The following MECOM variants were observed in gnomAD, a reference collection of about 807,000 sequenced individuals.
MECOM encodes histone-lysine N-methyltransferase MECOM.
A neutral mutation model predicts 116.3 loss-of-function variants in MECOM; 13 were observed. The ratio of observed to expected loss-of-function variants is 0.11; its 90% CI spans 0.07 to 0.18. The LOEUF (loss-of-function observed/expected upper bound fraction) is 0.18. Ranked by LOEUF, MECOM falls within the 10% of genes least tolerant of loss-of-function variation. The probability of loss-of-function intolerance (pLI) is 1.00; values close to 1 mark genes in which losing one functional copy is unlikely to be tolerated. For missense variants in MECOM, 1,299 were observed against 1,509.0 expected (o/e 0.86, Z 2.31); for synonymous variants, 528 against 535.2 (o/e 0.99, Z 0.19).
intron 1 of MECOM, among the ~76,000 whole-genome samples, chr3:169,562,373 C>G (rs1030272552): frequency 1.3e-5 from 2 of 151,988 alleles, no homozygotes; most frequent in Non-Finnish European, 2.9e-5. Context: ...TGCAGTCTCT[C>G]CGGTCCTGCT....
At chr3:169,372,262 G>T (rs1024415180) in intron 2 of MECOM, among the ~76,000 whole-genome samples, 1 of 152,058 alleles carries the variant, frequency 6.6e-6, no homozygotes. Flanking sequence ...ACAAAGCCGG[G>T]TCTGGCACAT....
chr3:169,087,712 T>C (rs1718300152), intron 16 of MECOM, among the ~76,000 whole-genome samples: 2 of 152,160 alleles, frequency 1.3e-5, no homozygotes, highest in African/African-American at 2.4e-5. Context: ...AGCCACCCCT[T>C]ATGGATGTCT....
At chr3:169,547,534 C>T (rs1760876942) in intron 1 of MECOM, among the ~76,000 whole-genome samples, 1 of 152,140 alleles carries the variant, frequency 6.6e-6, no homozygotes, top group African/African-American at 2.4e-5. Context: ...CCACCTCTGC[C>T]ACTCTCTGAC....
chr3:169,435,700 T>C (rs1334796702), intron 1 of MECOM, among the ~76,000 whole-genome samples: 1 of 152,218 alleles, frequency 6.6e-6, no homozygotes, highest in Non-Finnish European at 1.5e-5. Context: ...CCAAAACTAG[T>C]GTCTTCTGTA....
intron 1 of MECOM, among the ~76,000 whole-genome samples, chr3:169,462,028 GTATTTCCAAA>G (rs1747537063): frequency 6.6e-6 from 1 of 152,070 alleles, no homozygotes. Context: ...ATTCGCTAGT[GTATTTCCAAA>G]TACACTAGCG....
At chr3:169,179,903 C>A (rs1252280623) in intron 2 of MECOM, among the ~76,000 whole-genome samples, 11 of 152,130 alleles carry the variant, frequency 7.2e-5, no homozygotes, top group Non-Finnish European at 1.5e-5. Flanking sequence ...TCCCCTCCCC[C>A]AGGACTCCCC....
chr3:169,474,634 G>T (rs1405842501), intron 1 of MECOM, among the ~76,000 whole-genome samples: 1 of 152,084 alleles, frequency 6.6e-6, no homozygotes, highest in Non-Finnish European at 1.5e-5. Flanking sequence ...AGGGTTTGAG[G>T]TTGGCAGCCC....
intron 1 of MECOM, among the ~76,000 whole-genome samples, chr3:169,541,491 C>T (rs529215698): frequency 3.3e-4 from 51 of 152,360 alleles, no homozygotes; most frequent in Admixed American, 7.2e-4. Flanking sequence ...ACTAGCCTTG[C>T]TTGTTGCAGA....
chr3:169,172,408 TG>T (rs2149374747), intron 2 of MECOM, among the ~76,000 whole-genome samples: 1 of 2,086 alleles, frequency 4.8e-4, no homozygotes, highest in East Asian at 0.01. Flanking sequence ...TACCCTTGTA[TG>T]TGTGTGTGTG....
intron 1 of MECOM, among the ~76,000 whole-genome samples, chr3:169,597,049 A>G (rs916892391): frequency 2.6e-5 from 4 of 152,314 alleles, no homozygotes; most frequent in African/African-American, 9.6e-5. Flanking sequence ...GGTATAGGAA[A>G]GATTAAATAT....
rs1396731754 is a variant in MECOM, at chr3:169,483,190, A to AT, written c.38-101667dup. ...ACATGGAGTGAAAAACCATTGTTTT[A>AT]TTTTTATTTTTATTTTTTTTTTTTT... On this transcript the variant is annotated intron_variant, in intron 1 of 16. Coordinates refer to ENST00000651503, the MANE Select transcript of MECOM (RefSeq NM_004991.4). 2.2e-5 allele frequency among the ~76,000 whole-genome samples: 3 copies of AT among 135,658 alleles called. No individual in the cohort carries two copies. The East Asian group carries it at 6.6e-4, about 30-fold the overall frequency. 89.0% of individuals were successfully genotyped at this position (135,658 alleles called of 152,430 possible). A position where few individuals can be genotyped will look rare whatever the true frequency, so the allele number is the denominator to read the frequency against.
chr3:169,246,638 C>T (rs1320915982), intron 2 of MECOM, among the ~76,000 whole-genome samples: 4 of 150,968 alleles, frequency 2.6e-5, no homozygotes, highest in Admixed American at 6.6e-5. Context: ...AAGCTATTCT[C>T]CTGCCTCCGA....
intron 2 of MECOM, among the ~76,000 whole-genome samples, chr3:169,180,793 TG>T (rs1745851398): frequency 4.2e-5 from 3 of 71,176 alleles, no homozygotes; most frequent in Non-Finnish European, 5.4e-5. Flanking sequence ...TGTGTGGAGA[TG>T]ATATATATAT....
intron 2 of MECOM, chr3:169,146,321 A>G (rs1463268767): frequency 1.4e-5 from 18 of 1,284,974 alleles, no homozygotes; most frequent in Non-Finnish European, 1.6e-5. Context: ...CTCGGCCGAG[A>G]GCGGCTCCAA....
intron 1 of MECOM, among the ~76,000 whole-genome samples, chr3:169,661,688 G>A: frequency 6.6e-6 from 1 of 152,302 alleles, no homozygotes; most frequent in Admixed American, 6.5e-5. Flanking sequence ...CCGCGAAGCC[G>A]AGCCTGCTGA....
intron 1 of MECOM, among the ~76,000 whole-genome samples, chr3:169,485,911 G>GTATATATAGTATA (rs1162357800): frequency 9.3e-6 from 1 of 106,960 alleles, no homozygotes; most frequent in Non-Finnish European, 1.8e-5. Context: ...TAGTATATAT[G>GTATATATAGTATA]TATGTATATA....
intron 2 of MECOM, chr3:169,147,730 G>GTT: frequency 1.0e-6 from 1 of 980,890 alleles, no homozygotes; most frequent in Non-Finnish European, 1.2e-6. Flanking sequence ...GTGTGTGTGT[G>GTT]TGTGCGCGCG....
At chr3:169,229,735 C>T (rs1753153068) in intron 2 of MECOM, among the ~76,000 whole-genome samples, 1 of 152,130 alleles carries the variant, frequency 6.6e-6, no homozygotes, top group Non-Finnish European at 1.5e-5. Context: ...GTGTGAGATT[C>T]TCTGCACTTC....
intron 1 of MECOM, among the ~76,000 whole-genome samples, chr3:169,555,628 C>G (rs926454571): frequency 6.6e-6 from 1 of 152,176 alleles, no homozygotes; most frequent in African/African-American, 2.4e-5. Context: ...GAATGCCCAG[C>G]CTGACCTTGT....
Sources: allele counts gnomAD v4.1 joint callset (sites outside exome capture counted in the v4.1 genomes callset), GRCh38; gene constraint gnomAD v4.1.1; transcripts MANE v1.5; gene names NCBI Gene and HGNC (gene_info 2026-07-23, HGNC 2026-07-21).